JAK3: variants seen among roughly 807,000 people sequenced by gnomAD.
JAK3 encodes Janus kinase 3, also known as tyrosine-protein kinase JAK3.
In JAK3, 88 loss-of-function variants were observed where a neutral mutation model predicts 120.8. The observed-to-expected ratio is 0.73, with a 90% CI of 0.61 to 0.87. The LOEUF is 0.87. Among genes scored for constraint, JAK3 ranks in the 40% least tolerant of loss-of-function variants. The pLI, the probability that JAK3 is intolerant of heterozygous loss-of-function variation, is 0.00. For missense variants in JAK3, 1,254 were observed against 1,501.4 expected (o/e 0.84, Z 2.72); for synonymous variants, 592 against 628.6 (o/e 0.94, Z 0.87).
rs571316182 is a variant in JAK3, at chr19:17,842,940, C to G, written c.566+87G>C. The G allele has an allele frequency of 5.6e-5, 88 of 1,565,984 alleles. 1 individual carries two copies. The Middle Eastern group carries it at 6.5e-4, about 12-fold the overall frequency. On this transcript the variant is annotated intron_variant, in intron 5 of 23. Transcript: ENST00000458235. This position sits in a 1 kb window ranked among gnomAD's most constrained non-coding sequence, Gnocchi z 6.4. Reference sequence around the variant, plus strand: ...CACCCTGAAAGCTTGCAGGAGAACTCCATGGTGGGAGCCCGGCAAAGCCCC... The same window carrying G: ...CACCCTGAAAGCTTGCAGGAGAACTGCATGGTGGGAGCCCGGCAAAGCCCC...
chr19:17,840,203 C>T (rs1312557260), intron 9 of JAK3, 27 bp downstream of exon 9: 8 of 1,507,524 alleles, frequency 5.3e-6, no homozygotes, highest in Admixed American at 5.0e-5. Flanking sequence ...GGCAGCCCTC[C>T]ACTACCCACC....
chr19:17,837,819 G>A lies in JAK3; in HGVS notation c.1701+113C>T. 3 of 1,459,756 alleles carry A rather than the reference G, an allele frequency of 2.1e-6. No homozygotes were observed. The South Asian group carries it at 3.4e-5, about 17-fold the overall frequency. 90.4% of individuals were successfully genotyped at this position (1,459,756 alleles called of 1,614,324 possible). On this transcript the variant is annotated intron_variant, in intron 12 of 23. Transcript: ENST00000458235. ...CCTCAGCCTCCCAAAGTGCTGGGAT[G>A]ACAGGCATGAGCCACCACGCCCAGG...
At chr19:17,828,227 TTGTTTTGTTTTG>T (rs368701638) in intron 23 of JAK3, among the ~76,000 whole-genome samples, 6,375 of 64,954 alleles carry the variant, frequency 0.098, 486 homozygotes, top group African/African-American at 0.3. Context: ...AATTTTGTCT[TTGTTTTGTTTTG>T]TTTTGTTTTG....
At chr19:17,835,592 C>A (rs1279500483) in intron 14 of JAK3, among the ~76,000 whole-genome samples, 1 of 152,220 alleles carries the variant, frequency 6.6e-6, no homozygotes, top group East Asian at 1.9e-4. Flanking sequence ...ATCTAGCCTG[C>A]AGGCCTTTGC....
In JAK3 at chr19:17,826,925, A is replaced by G. The variant is rs1599862993; in HGVS notation, c.3208-15T>C. ...AGCTCGTGAACCTGAGGGGCGGGGG[A>G]CAGATAATGGGGTCGTGCCTGAGCA... On this transcript the variant is annotated splice_polypyrimidine_tract_variant and intron_variant, in intron 23 of 23. Coordinates refer to ENST00000458235, the MANE Select transcript of JAK3 (RefSeq NM_000215.4). 6.2e-7 allele frequency: 1 copy of G among 1,605,048 alleles called. No homozygotes were observed. The highest frequency in any genetic ancestry group is 8.5e-7 in the Non-Finnish European group (1 of 1,178,912).
At chr19:17,840,735 C>T (rs1283747766) in intron 8 of JAK3, among the ~76,000 whole-genome samples, 6 of 151,468 alleles carry the variant, frequency 4.0e-5, no homozygotes, top group Non-Finnish European at 8.8e-5. Context: ...TGCACTCCAG[C>T]CTGGGCGACA....
Position 17,831,695 on chromosome 19 carries a change from G to A in JAK3, c.2784C>T (p.Leu928=). 1 of 1,609,872 alleles carries A rather than the reference G, an allele frequency of 6.2e-7. No individual in the cohort carries two copies. The highest frequency in any genetic ancestry group is 8.5e-7 in the Non-Finnish European group (1 of 1,178,786). The part of the protein sequence containing the change: ...RARLDASRLL[L]YSSQICKGME... ...GCACCTTGCAGATCTGCGAGGAATA[G>A]AGAAGGAGGCGGCTGGCATCGAGGC... is the stretch of plus-strand genomic sequence containing the variant. Residue 928 remains leucine, a synonymous_variant, in exon 20 of 24, where the codon CTC becomes CTT. Coordinates refer to ENST00000458235, the MANE Select transcript of JAK3 (RefSeq NM_000215.4). The surrounding 1 kb of genome is among the most constrained non-coding windows in gnomAD (Gnocchi z 5.1).
chr19:17,844,253 C>G lies in JAK3; in HGVS notation c.165G>C (p.Val55=), dbSNP rs199755799. The change falls in exon 2 of 24, where the codon GTG becomes GTC. Residue 55 remains valine (V), a synonymous_variant. Transcript: ENST00000458235. ...FGDHLAEDLC[V]QAAKASGILP... is the part of the protein sequence containing the mutation. Reference sequence around the variant, plus strand: ...ACTCACCGCTGGCCTTGGCAGCCTGCACGCACAGGTCCTCAGCCAAGTGGT... The same window carrying G: ...ACTCACCGCTGGCCTTGGCAGCCTGGACGCACAGGTCCTCAGCCAAGTGGT... 1 of 1,599,984 alleles carries G rather than the reference C, an allele frequency of 6.3e-7. No individual in the cohort carries two copies. Among genetic ancestry groups the G allele is most frequent in the Non-Finnish European group, 8.5e-7 (1 of 1,174,472 alleles).
intron 13 of JAK3, chr19:17,836,688 C>T (rs2094224909): frequency 1.2e-5 from 5 of 424,178 alleles, no homozygotes; most frequent in South Asian, 1.1e-4. Flanking sequence ...TCTCTGTCTT[C>T]CCACAAGCAT....
rs763563528 is a variant in JAK3, at chr19:17,831,195, A to C, written c.2978+33T>G. 3.1e-6 allele frequency: 5 copies of C among 1,600,978 alleles called. No individual in the cohort carries two copies. Among genetic ancestry groups the C allele is most frequent in the Admixed American group, 1.7e-5 (1 of 59,690 alleles). ...TGGGGGCGGAGCCAGAGCCGTGGGG[A>C]ATAGGGGCGGAGCCTAGGCGCGGGT... On this transcript the variant is annotated intron_variant, in intron 21 of 23. Coordinates refer to ENST00000458235, the MANE Select transcript of JAK3 (RefSeq NM_000215.4). This position sits in a 1 kb window ranked among gnomAD's most constrained non-coding sequence, Gnocchi z 5.1.
At chr19:17,837,901 A>C in intron 12 of JAK3, 31 bp downstream of exon 12, 1 of 1,613,300 alleles carries the variant, frequency 6.2e-7, no homozygotes, top group Non-Finnish European at 8.5e-7. Context: ...GCCAGCCCCG[A>C]CTCCAAAAGT....
In JAK3 at chr19:17,842,366, G is replaced by C; in HGVS notation, c.811C>G (p.Leu271Val). The C allele has an allele frequency of 6.3e-7, 1 of 1,590,046 alleles. No individual in the cohort carries two copies. Among genetic ancestry groups the C allele is most frequent in the Non-Finnish European group, 8.5e-7 (1 of 1,172,684 alleles). Residue 271 changes from leucine (L) to valine (V), a missense_variant, in exon 6 of 24, where the codon CTC (leucine) becomes GTC (valine). Physicochemically the swap from Leu to Val is conservative, Grantham distance 32. Transcript: ENST00000458235. The surrounding 1 kb of genome is among the most constrained non-coding windows in gnomAD (Gnocchi z 6.4). ...ATGCCGCCGTCACCAGCCACGCGGA[G>C]CAGCCCCAGCCCGTCGTGGCCACCA... is the stretch of plus-strand genomic sequence containing the variant. The part of the protein sequence containing the change: ...ALGGHDGLGL[L>V]RVAGDGGIAW...
chr19:17,844,368 C>G lies in JAK3; in HGVS notation c.50G>C (p.Ser17Thr), dbSNP rs2094247284. The stretch of plus-strand genomic sequence containing the variant: ...GGCACCAGCCTCCGTGGACAAGAGG[C>G]TGCATGAACGCTGAGGGATCAGGGG... ...ETPLIPQRSC[S>T]LLSTEAGALH... The change falls in exon 2 of 24, where the codon AGC becomes ACC. Residue 17 changes from serine (S) to threonine (T), a missense_variant. Physicochemically the swap from Ser to Thr is moderately conservative, Grantham distance 58 (BLOSUM62 1). Around this residue, in one of 3 missense-constraint regions of JAK3, gnomAD observed 138 missense variants for 178.7 expected, o/e 0.77. Coordinates refer to ENST00000458235, the MANE Select transcript of JAK3 (RefSeq NM_000215.4). 1 of 1,612,456 alleles carries G rather than the reference C, an allele frequency of 6.2e-7. No individual in the cohort carries two copies. Among genetic ancestry groups the G allele is most frequent in the Middle Eastern group, 1.7e-4 (1 of 6,012 alleles).
Position 17,835,218 on chromosome 19 carries a change from A to G in JAK3, c.1915-3T>C. On this transcript the variant is annotated splice_region_variant and splice_polypyrimidine_tract_variant and intron_variant, in intron 14 of 23. Coordinates refer to ENST00000458235, the MANE Select transcript of JAK3 (RefSeq NM_000215.4). ...CCATGGGGCAGGCCTTTGTCCTCCT[A>G]AGGGGGCCAGACACAGGAAAATGCC... 1 of 1,613,644 alleles carries G rather than the reference A, an allele frequency of 6.2e-7. No homozygotes were observed. The highest frequency in any genetic ancestry group is 1.1e-5 in the South Asian group (1 of 91,076).
In JAK3 at chr19:17,839,626, C is replaced by T. The variant is rs144953325; in HGVS notation, c.1292G>A (p.Arg431Gln). The T allele has an allele frequency of 1.8e-5, 29 of 1,611,988 alleles. No individual in the cohort carries two copies. The East Asian group carries it at 2.2e-4, about 12-fold the overall frequency. ...LGPDYKGCLI[R>Q]RSPTGTFLLV... ...AAGGAAGGTTCCTGTGGGGCTGCGC[C>T]GGATGAGGCAGCCCTTATAATCAGG... The change falls in exon 10 of 24, where the codon CGG (arginine) becomes CAG (glutamine). Residue 431 changes from arginine (R) to glutamine (Q), a missense_variant. Arg to Gln is a conservative substitution (Grantham distance 43). This residue lies in a region of JAK3 where 486 missense variants were observed against 503.0 expected (regional missense o/e 0.97). Transcript: ENST00000458235.
In JAK3 at chr19:17,841,444, C is replaced by A; in HGVS notation, c.1087G>T (p.Val363Leu). 6.4e-7 allele frequency: 1 copy of A among 1,555,074 alleles called. No individual in the cohort carries two copies. The highest frequency in any genetic ancestry group is 8.7e-7 in the Non-Finnish European group (1 of 1,149,182). Residue 363 changes from valine (V) to leucine (L), a missense_variant, in exon 8 of 24, where the codon GTG (valine) becomes TTG (leucine). By Grantham distance (32) the Val-to-Leu change is conservative. Transcript: ENST00000458235. This position sits in a 1 kb window ranked among gnomAD's most constrained non-coding sequence, Gnocchi z 4.1. The part of the protein sequence containing the change: ...TDSQHFFCKE[V>L]APPRLLEEVA... ...TCCTCCAGCAGCCTCGGCGGTGCCA[C>A]CTCCTTGCAGAAGAAGTGCTGGGAG...
rs754759025 is a variant in JAK3, at chr19:17,825,382, G to A, written c.*1361C>T. The A allele has an allele frequency of 4.5e-6, 1 of 223,656 alleles. No homozygotes were observed. Among genetic ancestry groups the A allele is most frequent in the Non-Finnish European group, 8.9e-6 (1 of 112,180 alleles). The allele number at this position is 223,656 out of a possible 1,614,324, so 13.9% of individuals were successfully genotyped here. On this transcript the variant is annotated 3_prime_UTR_variant, in exon 24 of 24. Transcript: ENST00000458235. The stretch of plus-strand genomic sequence containing the variant: ...CATCCCTTTGTGCCCCTTGTAGGGT[G>A]AGGACAGAAAGGGTCCCATTGGACA...
intron 13 of JAK3, chr19:17,836,633 C>T: frequency 2.5e-6 from 1 of 393,120 alleles, no homozygotes; most frequent in East Asian, 4.3e-5. Flanking sequence ...ACCCCTCTTC[C>T]TTTCCTAATC....
intron 1 of JAK3, among the ~76,000 whole-genome samples, chr19:17,847,168 G>T (rs985604539): frequency 6.6e-6 from 1 of 152,062 alleles, no homozygotes; most frequent in Non-Finnish European, 1.5e-5. Flanking sequence ...AAAGTGTTGG[G>T]ATTAAAGGCA....
Sources: gnomAD v4.1 joint callset for allele counts (sites outside exome capture counted in the v4.1 genomes callset) on GRCh38, gnomAD v4.1.1 for gene constraint, gnomAD v4.1.1 regional missense constraint, Gnocchi (gnomAD v3.1) non-coding constraint, MANE v1.5 for transcripts, NCBI Gene and HGNC (gene_info 2026-07-23, HGNC 2026-07-21) for gene names.